Variants in ERBB4 observed in about 807,000 individuals in gnomAD.
The protein encoded by ERBB4 is receptor tyrosine-protein kinase erbB-4.
In ERBB4, 42 loss-of-function variants were observed where a neutral mutation model predicts 158.0. The ratio of observed to expected loss-of-function variants is 0.27; its 90% CI spans 0.21 to 0.34. The LOEUF is 0.34. Among genes scored for constraint, ERBB4 ranks in the 10% least tolerant of loss-of-function variants. The probability of loss-of-function intolerance (pLI) is 1.00; values close to 1 mark genes in which losing one functional copy is unlikely to be tolerated. For missense variants in ERBB4, 1,333 were observed against 1,624.1 expected (o/e 0.82, Z 3.08); for synonymous variants, 583 against 558.7 (o/e 1.04, Z -0.61).
intron 1 of ERBB4, among the ~76,000 whole-genome samples, chr2:212,398,776 T>C (rs539678137): frequency 3.6e-4 from 54 of 152,070 alleles, no homozygotes; most frequent in Non-Finnish European, 7.5e-4. Flanking sequence ...AGGAATCTCA[T>C]CTTAAAAAAA....
chr2:212,145,807 C>G (rs2080650213), intron 1 of ERBB4, among the ~76,000 whole-genome samples: 1 of 145,522 alleles, frequency 6.9e-6, no homozygotes, highest in Non-Finnish European at 1.5e-5. Flanking sequence ...ATTTTTTTCT[C>G]TTTGTCAATC....
intron 1 of ERBB4, among the ~76,000 whole-genome samples, chr2:212,341,735 G>A (rs1050579699): frequency 1.3e-5 from 2 of 152,060 alleles, no homozygotes; most frequent in African/African-American, 4.8e-5. Flanking sequence ...TGAATAAACA[G>A]AGAAATCAAA....
intron 2 of ERBB4, among the ~76,000 whole-genome samples, chr2:211,968,986 A>G (rs912217947): frequency 6.6e-6 from 1 of 152,056 alleles, no homozygotes; most frequent in Admixed American, 6.6e-5. Context: ...GAAAGAATTT[A>G]AGATTAAGTT....
intron 3 of ERBB4, among the ~76,000 whole-genome samples, chr2:211,871,501 T>C (rs988950344): frequency 1.4e-4 from 21 of 151,242 alleles, no homozygotes; most frequent in Non-Finnish European, 3.1e-4. Flanking sequence ...AGCAGTGCTT[T>C]GGCATTAAAA....
At chr2:211,634,134 T>C (rs10497949) in intron 16 of ERBB4, among the ~76,000 whole-genome samples, 12,891 of 152,262 alleles carry the variant, frequency 0.085, 628 homozygotes, top group East Asian at 0.2. Context: ...GATCCATTTA[T>C]ATTCCTTTTG....
intron 19 of ERBB4, among the ~76,000 whole-genome samples, chr2:211,579,888 A>G (rs2068015658): frequency 6.6e-6 from 1 of 152,112 alleles, no homozygotes; most frequent in African/African-American, 2.4e-5. Flanking sequence ...AGGTGCAGCA[A>G]ACCACCATGG....
At chr2:212,318,587 A>T (rs2087407382) in intron 1 of ERBB4, among the ~76,000 whole-genome samples, 1 of 151,570 alleles carries the variant, frequency 6.6e-6, no homozygotes, top group Non-Finnish European at 1.5e-5. Flanking sequence ...CTTGTTGCAA[A>T]TTTTATTTTA....
intron 20 of ERBB4, among the ~76,000 whole-genome samples, chr2:211,546,933 T>C (rs4435392): frequency 0.18 from 26,951 of 151,872 alleles, 2,754 homozygotes; most frequent in African/African-American, 0.28. Context: ...AACAAATAAG[T>C]AGGAGGTGGA....
intron 20 of ERBB4, among the ~76,000 whole-genome samples, chr2:211,458,139 C>A (rs2064431681): frequency 6.6e-6 from 1 of 152,188 alleles, no homozygotes; most frequent in Non-Finnish European, 1.5e-5. Context: ...TTACCTCCTG[C>A]TCTGGGGATT....
chr2:211,904,956 T>C (rs952871815), intron 3 of ERBB4, among the ~76,000 whole-genome samples: 1 of 152,162 alleles, frequency 6.6e-6, no homozygotes, highest in African/African-American at 2.4e-5. Context: ...CTCAGGCAAA[T>C]GGCTCACATA....
At chr2:212,475,587 T>A (rs1351909775) in intron 1 of ERBB4, among the ~76,000 whole-genome samples, 2 of 152,152 alleles carry the variant, frequency 1.3e-5, no homozygotes, top group African/African-American at 4.8e-5. Context: ...TATAAGAATA[T>A]GCTATTATTA....
rs182916705 is a variant in ERBB4, at chr2:212,427,179, G to A, written c.82+111270C>T. On this transcript the variant is annotated intron_variant, in intron 1 of 27. Coordinates refer to ENST00000342788, the MANE Select transcript of ERBB4 (RefSeq NM_005235.3). ...AAATGATCTGTTATTTATGATACAA[G>A]TCAGAGCAGTAAATCACCATTGGCT... Among the ~76,000 whole-genome samples, 4 of 152,210 alleles carry A rather than the reference G, an allele frequency of 2.6e-5. No homozygotes were observed. In the East Asian group the frequency reaches 7.7e-4, roughly 29 times the overall value.
intron 2 of ERBB4, among the ~76,000 whole-genome samples, chr2:212,011,989 A>G (rs1194504648): frequency 1.3e-5 from 2 of 152,160 alleles, no homozygotes; most frequent in East Asian, 1.9e-4. Context: ...TTTATCAACC[A>G]TTTCGGTTAC....
intron 1 of ERBB4, among the ~76,000 whole-genome samples, chr2:212,227,617 G>A (rs1394915010): frequency 1.3e-5 from 2 of 151,966 alleles, no homozygotes; most frequent in East Asian, 3.9e-4. Context: ...AACATTAATT[G>A]AGCATCCAGA....
Position 211,956,029 on chromosome 2 carries a change from AGTGTGTGTGTGT to A in ERBB4, c.235-8425_235-8414del, listed in dbSNP as rs3070122. 1.7e-3 allele frequency among the ~76,000 whole-genome samples: 252 copies of A among 146,430 alleles called. 1 individual carries two copies. Among genetic ancestry groups the A allele is most frequent in the African/African-American group, 5.9e-3 (232 of 39,530 alleles). ...AAGTTGAAGATTCTATCATCTCTAA[AGTGTGTGTGTGT>A]GTGTGTGTGTGTGTGTGTGTGTATT... On this transcript the variant is annotated intron_variant, in intron 2 of 27. Transcript: ENST00000342788.
At chr2:212,136,853 T>G (rs551825944) in intron 1 of ERBB4, among the ~76,000 whole-genome samples, 13 of 152,320 alleles carry the variant, frequency 8.5e-5, no homozygotes, top group African/African-American at 2.9e-4. Flanking sequence ...TACTGTTATC[T>G]TCAGATGATT....
chr2:211,693,410 G>C (rs943992734), intron 12 of ERBB4, among the ~76,000 whole-genome samples: 1 of 151,948 alleles, frequency 6.6e-6, no homozygotes, highest in Non-Finnish European at 1.5e-5. Context: ...ACTATTTATA[G>C]AATGCTTTTT....
At chr2:212,536,323 G>A (rs1168056564) in intron 1 of ERBB4, among the ~76,000 whole-genome samples, 2 of 152,026 alleles carry the variant, frequency 1.3e-5, no homozygotes, top group African/African-American at 4.8e-5. Context: ...GGTGGGGGAG[G>A]ATGAAAAACG....
intron 1 of ERBB4, among the ~76,000 whole-genome samples, chr2:212,438,920 AT>A (rs1162202902): frequency 1.3e-5 from 2 of 152,140 alleles, no homozygotes; most frequent in Non-Finnish European, 2.9e-5. Flanking sequence ...CCAGAAACAG[AT>A]TTATGTATTT....
Sources: gnomAD v4.1 joint callset for allele counts (sites outside exome capture counted in the v4.1 genomes callset) on GRCh38, gnomAD v4.1.1 for gene constraint, MANE v1.5 for transcripts, NCBI Gene and HGNC (gene_info 2026-07-23, HGNC 2026-07-21) for gene names.